KCNQ1: variants seen among roughly 807,000 people sequenced by gnomAD.
KCNQ1 encodes the protein potassium voltage-gated channel subfamily Q member 1.
KCNQ1 carries 49 observed loss-of-function variants against 72.4 expected under a neutral mutation model. The observed-to-expected ratio is 0.68, with a 90% CI of 0.54 to 0.86. KCNQ1 has a LOEUF of 0.86. Among genes scored for constraint, KCNQ1 ranks in the 40% least tolerant of loss-of-function variants. The pLI, the probability that KCNQ1 is intolerant of heterozygous loss-of-function variation, is 0.00. For synonymous variants in KCNQ1, 450 were observed against 412.6 expected (o/e 1.09, Z -1.10); for missense variants, 790 against 945.1 (o/e 0.84, Z 2.15).
At chr11:2,684,743 G>A (rs1850455052) in intron 11 of KCNQ1, 1 of 398,626 alleles carries the variant, frequency 2.5e-6, no homozygotes. Flanking sequence ...GGTCTGCCTG[G>A]GAGAAAAGGG....
At chr11:2,619,589 G>A in intron 10 of KCNQ1, 1 of 398,364 alleles carries the variant, frequency 2.5e-6, no homozygotes, top group South Asian at 1.3e-4. Flanking sequence ...AAGGATTTTT[G>A]CATCGGTATT....
chr11:2,765,685 C>T (rs923348543), intron 11 of KCNQ1, among the ~76,000 whole-genome samples: 3 of 152,294 alleles, frequency 2.0e-5, no homozygotes, highest in Admixed American at 6.5e-5. Flanking sequence ...GAATTGATCT[C>T]GTCCTGCTGA....
Position 2,713,781 on chromosome 11 carries a change from T to A in KCNQ1, c.1514+51700T>A, listed in dbSNP as rs1342330916. Among the ~76,000 whole-genome samples, 1 of 152,186 alleles carries A rather than the reference T, an allele frequency of 6.6e-6. No individual in the cohort carries two copies. Among genetic ancestry groups the A allele is most frequent in the Non-Finnish European group, 1.5e-5 (1 of 68,028 alleles). On this transcript the variant is annotated intron_variant, in intron 11 of 15. Transcript: ENST00000155840. This position sits in a 1 kb window ranked among gnomAD's most constrained non-coding sequence, Gnocchi z 5.6. Reference sequence around the variant, plus strand: ...GTAAGATTATCCATTAAATCCATATTCCTCACTGTAGAGTTCATGGATTCA... The same window carrying A: ...GTAAGATTATCCATTAAATCCATATACCTCACTGTAGAGTTCATGGATTCA...
chr11:2,589,521 T>C (rs1848643814), intron 10 of KCNQ1, among the ~76,000 whole-genome samples: 1 of 152,170 alleles, frequency 6.6e-6, no homozygotes, highest in African/African-American at 2.4e-5. Flanking sequence ...CGTGGCTCTT[T>C]GACAGATGTG....
rs755648648 is a variant in KCNQ1 at position 2,507,409 on chromosome 11, G to T, written c.387-20519G>T. Among the ~76,000 whole-genome samples the T allele has an allele frequency of 6.6e-6, 1 of 152,144 alleles. No individual in the cohort carries two copies. Among genetic ancestry groups the T allele is most frequent in the African/African-American group, 2.4e-5 (1 of 41,422 alleles). ...TGAGGTGGCTGTGGGATGGGACGGC[G>T]TGGTTTGCTCTAGAGGGTTTGAAGG... On this transcript the variant is annotated intron_variant, in intron 1 of 15. Coordinates refer to ENST00000155840, the MANE Select transcript of KCNQ1 (RefSeq NM_000218.3). This position sits in a 1 kb window ranked among gnomAD's most constrained non-coding sequence, Gnocchi z 5.4.
chr11:2,794,626 C>T lies in KCNQ1; in HGVS notation c.1794+16589C>T, dbSNP rs573852088. Among the ~76,000 whole-genome samples the T allele has an allele frequency of 3.4e-4, 52 of 152,226 alleles. 1 individual carries two copies. Among genetic ancestry groups the T allele is most frequent in the Admixed American group, 2.7e-3 (41 of 15,300 alleles). ...TGATGCATGTGTGTTCACAGATTAG[C>T]GGGGAGCAGATGCCGCATGGAGGGG... On this transcript the variant is annotated intron_variant, in intron 15 of 15. Transcript: ENST00000155840.
chr11:2,761,346 G>A (rs572574768), intron 11 of KCNQ1, among the ~76,000 whole-genome samples: 1 of 152,230 alleles, frequency 6.6e-6, no homozygotes, highest in South Asian at 2.1e-4. Flanking sequence ...CCAGCCGCTT[G>A]TGTCTTCTTC....
Position 2,492,236 on chromosome 11 carries a change from AAAG to A in KCNQ1, c.387-35686_387-35684del, listed in dbSNP as rs142697144. Among the ~76,000 whole-genome samples, 2,803 of 152,356 alleles carry A rather than the reference AAAG, an allele frequency of 0.018. 41 individuals carry two copies. Among genetic ancestry groups the A allele is most frequent in the South Asian group, 0.052 (252 of 4,830 alleles). On this transcript the variant is annotated intron_variant, in intron 1 of 15. Transcript: ENST00000155840. This position sits in a 1 kb window ranked among gnomAD's most constrained non-coding sequence, Gnocchi z 4.1. Reference sequence around the variant, plus strand: ...ACTCATATATTAAGTAGAAGGATGAAAAGAAGAACTGATAAATAATGACTACAA... The same window carrying A: ...ACTCATATATTAAGTAGAAGGATGAAAAGAACTGATAAATAATGACTACAA...
intron 10 of KCNQ1, chr11:2,640,210 T>C (rs549880737): frequency 6.3e-5 from 25 of 393,710 alleles, no homozygotes; most frequent in Non-Finnish European, 4.5e-6. Context: ...CTGCACCCAC[T>C]GTCCTGTACC....
At chr11:2,836,690 C>T (rs1233704540) in intron 15 of KCNQ1, among the ~76,000 whole-genome samples, 3 of 152,360 alleles carry the variant, frequency 2.0e-5, no homozygotes, top group Middle Eastern at 3.4e-3. Flanking sequence ...AAGTGTGTCG[C>T]ATGGAAACAA....
chr11:2,544,491 G>T lies in KCNQ1; in HGVS notation c.477+16473G>T, dbSNP rs1847877821. Among the ~76,000 whole-genome samples the T allele has an allele frequency of 6.6e-6, 1 of 151,510 alleles. No homozygotes were observed. The highest frequency in any genetic ancestry group is 6.6e-5 in the Admixed American group (1 of 15,188). ...GTTATATATCTCATATACATATGAGGTTATATACCACTTATTTAGATTTTT... is the reference window on the plus strand; with the variant it reads ...GTTATATATCTCATATACATATGAGTTTATATACCACTTATTTAGATTTTT... On this transcript the variant is annotated intron_variant, in intron 2 of 15. Coordinates refer to ENST00000155840, the MANE Select transcript of KCNQ1 (RefSeq NM_000218.3). The surrounding 1 kb of genome is among the most constrained non-coding windows in gnomAD (Gnocchi z 4.4).
chr11:2,503,119 G>A (rs1847043960), intron 1 of KCNQ1, among the ~76,000 whole-genome samples: 1 of 152,202 alleles, frequency 6.6e-6, no homozygotes, highest in Non-Finnish European at 1.5e-5. Flanking sequence ...GGACATTGGA[G>A]TGGGCAAAGA....
At chr11:2,739,571 A>G (rs1043819418) in intron 11 of KCNQ1, among the ~76,000 whole-genome samples, 2 of 152,242 alleles carry the variant, frequency 1.3e-5, no homozygotes, top group African/African-American at 2.4e-5. Flanking sequence ...TGAGGACTCC[A>G]TCTCAGACCA....
In KCNQ1 at chr11:2,808,771, G is replaced by A. The variant is rs754038185; in HGVS notation, c.1794+30734G>A. On this transcript the variant is annotated intron_variant, in intron 15 of 15. Coordinates refer to ENST00000155840, the MANE Select transcript of KCNQ1 (RefSeq NM_000218.3). The surrounding 1 kb of genome is among the most constrained non-coding windows in gnomAD (Gnocchi z 6.0). The stretch of plus-strand genomic sequence containing the variant: ...GTGTGAGGAGAGCAGCATTCCAGAC[G>A]CTTCTCTGTATGTTGCATAGAAAAA... Among the ~76,000 whole-genome samples, 2 of 152,082 alleles carry A rather than the reference G, an allele frequency of 1.3e-5. No homozygotes were observed. The highest frequency in any genetic ancestry group is 2.4e-5 in the African/African-American group (1 of 41,366).
rs1846690240 is a variant in KCNQ1 at position 2,483,732 on chromosome 11, C to G, written c.386+38248C>G. ...AGTGTTGTTGGGTCCCGAGGAGTCC[C>G]TGTGGCAGGGCTGTGTGAGGTCAGC... On this transcript the variant is annotated intron_variant, in intron 1 of 15. Transcript: ENST00000155840. The surrounding 1 kb of genome is among the most constrained non-coding windows in gnomAD (Gnocchi z 6.1). Among the ~76,000 whole-genome samples the G allele has an allele frequency of 6.6e-6, 1 of 152,168 alleles. No homozygotes were observed.
chr11:2,671,713 G>T lies in KCNQ1; in HGVS notation c.1514+9632G>T. On this transcript the variant is annotated intron_variant, in intron 11 of 15. Transcript: ENST00000155840. The surrounding 1 kb of genome is among the most constrained non-coding windows in gnomAD (Gnocchi z 4.7). ...CAATAGAGGGTACTTGGGAAGTAGGGTGGTAGGCAAGGCTTTTCAGAGAAC... is the reference window on the plus strand; with the variant it reads ...CAATAGAGGGTACTTGGGAAGTAGGTTGGTAGGCAAGGCTTTTCAGAGAAC... The T allele has an allele frequency of 2.5e-6, 1 of 398,726 alleles. No individual in the cohort carries two copies. The highest frequency in any genetic ancestry group is 4.4e-6 in the Non-Finnish European group (1 of 226,134). 24.7% of individuals were successfully genotyped at this position (398,726 alleles called of 1,614,324 possible).
chr11:2,528,688 C>T (rs1161828685), intron 2 of KCNQ1, among the ~76,000 whole-genome samples: 2 of 152,240 alleles, frequency 1.3e-5, no homozygotes, highest in Admixed American at 6.5e-5. Flanking sequence ...GGGTCTAGCA[C>T]CTCTCCGTGG....
rs1038659448 is a variant in KCNQ1, at chr11:2,710,116, G to A, written c.1514+48035G>A. Among the ~76,000 whole-genome samples the A allele has an allele frequency of 6.6e-6, 1 of 152,194 alleles. No individual in the cohort carries two copies. Among genetic ancestry groups the A allele is most frequent in the East Asian group, 1.9e-4 (1 of 5,204 alleles). On this transcript the variant is annotated intron_variant, in intron 11 of 15. Coordinates refer to ENST00000155840, the MANE Select transcript of KCNQ1 (RefSeq NM_000218.3). The surrounding 1 kb of genome is among the most constrained non-coding windows in gnomAD (Gnocchi z 4.1). ...TTGCATTCCCACCAGTAGTGTATGT[G>A]AGTTCCTATCTCTCCACATTCTCAC...
At chr11:2,799,847 G>A (rs1366627535) in intron 15 of KCNQ1, among the ~76,000 whole-genome samples, 1 of 152,194 alleles carries the variant, frequency 6.6e-6, no homozygotes, top group East Asian at 1.9e-4. Context: ...GGGGGTTCCA[G>A]TCACAGCACA....
Sources: gnomAD v4.1 joint callset for allele counts (sites outside exome capture counted in the v4.1 genomes callset) on GRCh38, gnomAD v4.1.1 for gene constraint, Gnocchi (gnomAD v3.1) non-coding constraint, MANE v1.5 for transcripts, NCBI Gene and HGNC (gene_info 2026-07-23, HGNC 2026-07-21) for gene names.